Variants in DDAH1 observed in about 807,000 individuals in gnomAD.
DDAH1 encodes the protein N(G),N(G)-dimethylarginine dimethylaminohydrolase 1.
In DDAH1, 19 loss-of-function variants were observed where a neutral mutation model predicts 28.8. That is an observed-to-expected ratio of 0.66 (90% CI 0.46 to 0.97). The LOEUF is 0.97. Among genes scored for constraint, DDAH1 ranks in the 50% least tolerant of loss-of-function variants. DDAH1 has a pLI of 0.00. For missense variants in DDAH1, 326 were observed against 375.9 expected (o/e 0.87, Z 1.10); for synonymous variants, 153 against 154.4 (o/e 0.99, Z 0.07).
At chr1:85,482,963 G>C (rs1349859168) in intron 2 of DDAH1, among the ~76,000 whole-genome samples, 1 of 152,120 alleles carries the variant, frequency 6.6e-6, no homozygotes. Flanking sequence ...GGTGGCTCAC[G>C]CCTGTAATCC....
intron 4 of DDAH1, among the ~76,000 whole-genome samples, chr1:85,348,406 T>C (rs1491002999): frequency 2.0e-5 from 3 of 152,194 alleles, no homozygotes; most frequent in Non-Finnish European, 2.9e-5. Flanking sequence ...AAGACCCAGA[T>C]TGCTCCCTCA....
intron 1 of DDAH1, among the ~76,000 whole-genome samples, chr1:85,372,180 C>T (rs1180902547): frequency 6.6e-6 from 1 of 152,054 alleles, no homozygotes; most frequent in Non-Finnish European, 1.5e-5. Flanking sequence ...AATATTCACC[C>T]TTTGTCATAT....
At chr1:85,563,700 T>G (rs894702713) in intron 1 of DDAH1, among the ~76,000 whole-genome samples, 1 of 152,156 alleles carries the variant, frequency 6.6e-6, no homozygotes, top group African/African-American at 2.4e-5. Context: ...GGAGAAAAAT[T>G]AATCAATGTA....
At chr1:85,512,740 C>A (rs1362576735) in intron 1 of DDAH1, among the ~76,000 whole-genome samples, 1 of 152,146 alleles carries the variant, frequency 6.6e-6, no homozygotes, top group Non-Finnish European at 1.5e-5. Context: ...TGAGTGAACT[C>A]CCATTCACAA....
At chr1:85,426,539 T>G (rs1191051580) in intron 1 of DDAH1, among the ~76,000 whole-genome samples, 1 of 152,182 alleles carries the variant, frequency 6.6e-6, no homozygotes, top group Non-Finnish European at 1.5e-5. Context: ...CTATTATAAG[T>G]AGGTAACAAG....
intron 1 of DDAH1, among the ~76,000 whole-genome samples, chr1:85,422,300 A>T (rs2100616519): frequency 6.6e-6 from 1 of 152,262 alleles, no homozygotes; most frequent in African/African-American, 2.4e-5. Flanking sequence ...TTTTGGATAC[A>T]ACTCCTCTAT....
chr1:85,568,241 C>A (rs1659360115), intron 1 of DDAH1, among the ~76,000 whole-genome samples: 1 of 152,136 alleles, frequency 6.6e-6, no homozygotes, highest in African/African-American at 2.4e-5. Context: ...GTGACCTCAG[C>A]TTCCATATTA....
intron 1 of DDAH1, among the ~76,000 whole-genome samples, chr1:85,413,207 GT>G (rs901929739): frequency 6.6e-6 from 1 of 152,204 alleles, no homozygotes; most frequent in African/African-American, 2.4e-5. Context: ...TCTATGATAA[GT>G]GGAAAGTAAA....
At chr1:85,481,193 G>A (rs1258871616) in intron 2 of DDAH1, among the ~76,000 whole-genome samples, 1 of 147,202 alleles carries the variant, frequency 6.8e-6, no homozygotes, top group Non-Finnish European at 1.5e-5. Flanking sequence ...TGCCTCCCAG[G>A]TTGAAGTGAT....
intron 1 of DDAH1, among the ~76,000 whole-genome samples, chr1:85,405,639 A>AC (rs1652368541): frequency 6.6e-6 from 1 of 151,914 alleles, no homozygotes; most frequent in Non-Finnish European, 1.5e-5. Flanking sequence ...GCCCTAAAAA[A>AC]AAAAGCCCTA....
chr1:85,321,591 G>C, intron 5 of DDAH1, 23 bp from the exon 6 acceptor site: 1 of 1,537,668 alleles, frequency 6.5e-7, no homozygotes, highest in Non-Finnish European at 9.0e-7. Context: ...TCAAGGAAAA[G>C]GAAGAAAAGA....
intron 1 of DDAH1, among the ~76,000 whole-genome samples, chr1:85,500,134 CTTTCTTTCTTTCT>C (rs1656756516): frequency 2.0e-4 from 9 of 44,516 alleles, no homozygotes; most frequent in Admixed American, 7.7e-4. Context: ...TTCTTTCTTT[CTTTCTTTCTTTCT>C]TTTCTTTCTT....
chr1:85,527,828 T>G (rs1273062701), intron 1 of DDAH1, among the ~76,000 whole-genome samples: 1 of 152,214 alleles, frequency 6.6e-6, no homozygotes, highest in South Asian at 2.1e-4. Flanking sequence ...TCAGAAGTTC[T>G]ATTTTGAATT....
At position 85,369,020 on chromosome 1, in the gene DDAH1, T is replaced by C. The variant is rs184416640; in HGVS notation, c.304-10173A>G. Among the ~76,000 whole-genome samples, 137 of 151,786 alleles carry C rather than the reference T, an allele frequency of 9.0e-4. 1 individual carries two copies. The highest frequency in any genetic ancestry group is 3.4e-3 in the Middle Eastern group (1 of 292). On this transcript the variant is annotated intron_variant, in intron 1 of 5. Transcript: ENST00000284031. Reference sequence around the variant, plus strand: ...ATGTAGGTCCTGGCTGGGTCAGAGATTCCTTCTGTGTGCTCCCATGGCTCC... The same window carrying C: ...ATGTAGGTCCTGGCTGGGTCAGAGACTCCTTCTGTGTGCTCCCATGGCTCC...
chr1:85,530,456 G>A (rs543223237), intron 1 of DDAH1, among the ~76,000 whole-genome samples: 2 of 151,534 alleles, frequency 1.3e-5, no homozygotes, highest in Non-Finnish European at 2.9e-5. Flanking sequence ...GAAATGTGCT[G>A]CCTCATCACT....
intron 1 of DDAH1, among the ~76,000 whole-genome samples, chr1:85,529,895 C>T (rs1658024681): frequency 6.9e-6 from 1 of 145,898 alleles, no homozygotes; most frequent in Non-Finnish European, 1.5e-5. Context: ...TACACCTTGC[C>T]CAGTGTGAAG....
chr1:85,537,455 C>T (rs1456528717), intron 1 of DDAH1, among the ~76,000 whole-genome samples: 8 of 143,974 alleles, frequency 5.6e-5, no homozygotes, highest in African/African-American at 1.8e-4. Context: ...TGATCTCACT[C>T]ACATGTGGAA....
At chr1:85,472,991 C>T (rs1447641788) in intron 2 of DDAH1, among the ~76,000 whole-genome samples, 1 of 152,174 alleles carries the variant, frequency 6.6e-6, no homozygotes, top group Non-Finnish European at 1.5e-5. Context: ...TTTTCTGTTT[C>T]TGCTTTAATT....
chr1:85,545,012 C>A (rs983070416), intron 1 of DDAH1, among the ~76,000 whole-genome samples: 2 of 152,150 alleles, frequency 1.3e-5, no homozygotes, highest in African/African-American at 4.8e-5. Context: ...GCTAGGGGAG[C>A]TGCAAAATCT....
Sources: allele counts gnomAD v4.1 joint callset (sites outside exome capture counted in the v4.1 genomes callset), GRCh38; gene constraint gnomAD v4.1.1; transcripts MANE v1.5; gene names NCBI Gene and HGNC (gene_info 2026-07-23, HGNC 2026-07-21).